The following CFAP221 variants were observed in gnomAD, a reference collection of about 807,000 sequenced individuals.
CFAP221 encodes cilia and flagella associated protein 221, also known as cilia- and flagella-associated protein 221.
In CFAP221, 97 loss-of-function variants were observed where a neutral mutation model predicts 113.1. The observed-to-expected ratio is 0.86, with a 90% CI of 0.73 to 1.02. CFAP221 has a LOEUF of 1.02. Among genes scored for constraint, CFAP221 ranks in the 50% least tolerant of loss-of-function variants. The pLI is 0.00. For missense variants in CFAP221, 1,025 were observed against 1,013.4 expected (o/e 1.01, Z -0.16); for synonymous variants, 331 against 354.4 (o/e 0.93, Z 0.74).
intron 3 of CFAP221, among the ~76,000 whole-genome samples, chr2:119,552,365 ATTTC>A (rs1418702877): frequency 2.8e-5 from 3 of 108,872 alleles, no homozygotes; most frequent in African/African-American, 6.7e-5. Context: ...AAATAGAAAT[ATTTC>A]TTTCTTTAAT....
Position 119,579,653 on chromosome 2 carries a change from G to A in CFAP221, c.528-7466G>A, listed in dbSNP as rs145227923. On this transcript the variant is annotated intron_variant, in intron 6 of 23. Coordinates refer to ENST00000413369, the MANE Select transcript of CFAP221 (RefSeq NM_001271049.2). ...TGGAATTTTGTGCCCTTAAGGAACTGTTTGTTTTTCCAGACTGGCTAATGC... is the reference window on the plus strand; with the variant it reads ...TGGAATTTTGTGCCCTTAAGGAACTATTTGTTTTTCCAGACTGGCTAATGC... Among the ~76,000 whole-genome samples, 176 of 152,302 alleles carry A rather than the reference G, an allele frequency of 1.2e-3. 1 individual carries two copies. Among genetic ancestry groups the A allele is most frequent in the African/African-American group, 4.1e-3 (169 of 41,562 alleles).
intron 8 of CFAP221, among the ~76,000 whole-genome samples, chr2:119,603,734 AT>A (rs1684520142): frequency 6.6e-6 from 1 of 152,214 alleles, no homozygotes; most frequent in African/African-American, 2.4e-5. Context: ...TAAAATGGTT[AT>A]TTTCAAAATC....
chr2:119,615,681 A>G lies in CFAP221; in HGVS notation c.1382A>G (p.Gln461Arg), dbSNP rs777866800. The G allele has an allele frequency of 6.2e-7, 1 of 1,612,740 alleles. No homozygotes were observed. The highest frequency in any genetic ancestry group is 1.1e-5 in the South Asian group (1 of 90,710). The change falls in exon 14 of 24, where the codon CAA (glutamine) becomes CGA (arginine). Residue 461 changes from glutamine to arginine, a missense_variant. Gln to Arg is a conservative substitution (Grantham distance 43). Transcript: ENST00000413369. ...ACTTGGCTCAGCAGGTCCAGGGCAC[A>G]AAAACGGTTTCAACAAGTAGCACGC... ...NNTWLSRSRA[Q>R]KRFQQVARKV...
intron 6 of CFAP221, among the ~76,000 whole-genome samples, chr2:119,576,092 C>T (rs1335632600): frequency 6.6e-6 from 1 of 152,176 alleles, no homozygotes; most frequent in Non-Finnish European, 1.5e-5. Context: ...AAGGTCAGGC[C>T]AGGAGAGAAA....
At chr2:119,616,555 C>G (rs948844993) in intron 14 of CFAP221, among the ~76,000 whole-genome samples, 2 of 152,160 alleles carry the variant, frequency 1.3e-5, no homozygotes, top group Admixed American at 6.5e-5. Context: ...TTCCTGTTAT[C>G]AGGATAAAAC....
rs556023268 is a variant in CFAP221, at chr2:119,598,103, T to C, written c.632-3115T>C. 2.0e-5 allele frequency among the ~76,000 whole-genome samples: 3 copies of C among 152,304 alleles called. No individual in the cohort carries two copies. In the South Asian group the frequency reaches 6.2e-4, roughly 32 times the overall value. On this transcript the variant is annotated intron_variant, in intron 7 of 23. Transcript: ENST00000413369. Reference sequence around the variant, plus strand: ...CTCTATGACAATTTAGGGAGAGTGATCTGTACTTTTTGAGATCTTTGAAGA... The same window carrying C: ...CTCTATGACAATTTAGGGAGAGTGACCTGTACTTTTTGAGATCTTTGAAGA...
Position 119,630,612 on chromosome 2 carries a change from G to A in CFAP221, c.1774G>A (p.Val592Ile), listed in dbSNP as rs754679561. 2.5e-5 allele frequency: 41 copies of A among 1,613,832 alleles called. 1 individual carries two copies. The highest frequency in any genetic ancestry group is 3.3e-5 in the Non-Finnish European group (39 of 1,179,836). ...AATTAAGAGATATCAGCCATTCTCT[G>A]TCCACAAGTCTTCAACAAGTTACAG... is the stretch of plus-strand genomic sequence containing the variant. Reference protein sequence around the residue: ...YKIKRYQPFSVHKSSTSYRPQ... With the variant: ...YKIKRYQPFSIHKSSTSYRPQ... The change falls in exon 18 of 24, where the codon GTC becomes ATC. Residue 592 changes from valine (V) to isoleucine (I), a missense_variant. Coordinates refer to ENST00000413369, the MANE Select transcript of CFAP221 (RefSeq NM_001271049.2).
intron 14 of CFAP221, among the ~76,000 whole-genome samples, chr2:119,616,873 C>A (rs1310151511): frequency 1.3e-5 from 2 of 152,240 alleles, no homozygotes; most frequent in Non-Finnish European, 2.9e-5. Flanking sequence ...TCTTGTGCTG[C>A]CTGTAAATCT....
At chr2:119,619,082 C>T (rs949875457) in intron 14 of CFAP221, among the ~76,000 whole-genome samples, 1 of 152,196 alleles carries the variant, frequency 6.6e-6, no homozygotes, top group African/African-American at 2.4e-5. Flanking sequence ...AGGCAGCAGC[C>T]CCAGTCAGGG....
chr2:119,580,592 T>G (rs1682782793), intron 6 of CFAP221: 1 of 152,134 alleles, frequency 6.6e-6, no homozygotes, highest in South Asian at 2.1e-4. Flanking sequence ...GATGAAGCAG[T>G]GTGCGCAAAC....
At chr2:119,652,318 T>C (rs1371664145) in intron 23 of CFAP221, among the ~76,000 whole-genome samples, 2 of 152,230 alleles carry the variant, frequency 1.3e-5, no homozygotes, top group African/African-American at 4.8e-5. Context: ...AATTTCAGGA[T>C]GTGTTTGTTT....
chr2:119,614,807 T>C (rs1054764814), intron 13 of CFAP221, among the ~76,000 whole-genome samples: 2 of 152,218 alleles, frequency 1.3e-5, no homozygotes, highest in Non-Finnish European at 2.9e-5. Context: ...ACCTCCATCA[T>C]TCTCACTTTT....
At chr2:119,642,605 C>T (rs1395847024) in intron 21 of CFAP221, among the ~76,000 whole-genome samples, 2 of 133,496 alleles carry the variant, frequency 1.5e-5, no homozygotes, top group Non-Finnish European at 3.1e-5. Context: ...GTGGCATAAT[C>T]ATAGCTCACT....
chr2:119,571,228 C>T (rs1433324492), intron 6 of CFAP221, among the ~76,000 whole-genome samples: 1 of 150,470 alleles, frequency 6.6e-6, no homozygotes, highest in Non-Finnish European at 1.5e-5. Flanking sequence ...CAACCTCCGC[C>T]TCCCGGGTTC....
Position 119,605,223 on chromosome 2 carries a change from A to T in CFAP221, c.1067A>T (p.Lys356Met). 6.2e-7 allele frequency: 1 copy of T among 1,614,210 alleles called. No homozygotes were observed. Among genetic ancestry groups the T allele is most frequent in the East Asian group, 2.2e-5 (1 of 44,882 alleles). The change falls in exon 11 of 24, where the codon AAG (lysine) becomes ATG (methionine). Residue 356 changes from lysine to methionine, a missense_variant. Lys to Met is a moderately conservative substitution (Grantham distance 95, BLOSUM62 -1). Coordinates refer to ENST00000413369, the MANE Select transcript of CFAP221 (RefSeq NM_001271049.2). The stretch of plus-strand genomic sequence containing the variant: ...GAAATTTCAAAAACGAGACAGATGA[A>T]GGAGGCACTCTTTGAACAGAAAGTC... ...GTEISKTRQMKEALFEQKVRQ... is the reference protein window; with the variant it reads ...GTEISKTRQMMEALFEQKVRQ...
chr2:119,655,087 A>T (rs1574249105), intron 23 of CFAP221, among the ~76,000 whole-genome samples: 1 of 152,154 alleles, frequency 6.6e-6, no homozygotes, highest in Non-Finnish European at 1.5e-5. Context: ...GCAGTGTCCC[A>T]TTTCCCCCTG....
rs1412093629 is a variant in CFAP221 at position 119,562,079 on chromosome 2, A to C, written c.492A>C (p.Ser164=). ...YPVMNSLDFP[S]FINLSNVLLG... is the part of the protein sequence containing the mutation. ...TCATGAACTCACTAGACTTTCCTTC[A>C]TTTATAAATCTGTCAAATGTTCTAC... Residue 164 remains serine, a synonymous_variant, in exon 6 of 24, where the codon TCA becomes TCC. Transcript: ENST00000413369. 4 of 1,535,214 alleles carry C rather than the reference A, an allele frequency of 2.6e-6. No individual in the cohort carries two copies. The highest frequency in any genetic ancestry group is 3.9e-5 in the Admixed American group (2 of 50,900).
chr2:119,582,817 A>T (rs1008454518), intron 6 of CFAP221, among the ~76,000 whole-genome samples: 2 of 152,218 alleles, frequency 1.3e-5, no homozygotes, highest in African/African-American at 4.8e-5. Context: ...AATGCAATCT[A>T]TAGCTGCCAA....
chr2:119,618,883 C>T (rs1685700052), intron 14 of CFAP221, among the ~76,000 whole-genome samples: 1 of 152,294 alleles, frequency 6.6e-6, no homozygotes, highest in South Asian at 2.1e-4. Context: ...CCACCTGGGA[C>T]ACTTGAGCTT....
Sources: gnomAD v4.1 joint callset for allele counts (sites outside exome capture counted in the v4.1 genomes callset) on GRCh38, gnomAD v4.1.1 for gene constraint, MANE v1.5 for transcripts, NCBI Gene and HGNC (gene_info 2026-07-23, HGNC 2026-07-21) for gene names.